Variants in PCNX2 observed in about 807,000 individuals in gnomAD.
The protein encoded by PCNX2 is pecanex-like protein 2.
Under a neutral mutation model 223.8 loss-of-function variants are expected in PCNX2, and 168 were observed. The observed-to-expected ratio is 0.75, with a 90% CI of 0.66 to 0.85. PCNX2 has a LOEUF of 0.85. Ranked by LOEUF, PCNX2 falls within the 40% of genes least tolerant of loss-of-function variation. The pLI, the probability that PCNX2 is intolerant of heterozygous loss-of-function variation, is 0.00. For synonymous variants in PCNX2, 1,006 were observed against 1,052.6 expected (o/e 0.96, Z 0.86); for missense variants, 2,507 against 2,675.5 (o/e 0.94, Z 1.39).
intron 19 of PCNX2, among the ~76,000 whole-genome samples, chr1:233,141,064 T>C (rs1224229965): frequency 6.6e-6 from 1 of 152,076 alleles, no homozygotes; most frequent in Non-Finnish European, 1.5e-5. Context: ...TACCCTACAA[T>C]GACCTAGAGT....
chr1:233,300,922 A>G, the PCNX2 span, among the ~76,000 whole-genome samples: 1 of 152,146 alleles, frequency 6.6e-6, no homozygotes, highest in Non-Finnish European at 1.5e-5. Flanking sequence ...ATGGGCCCCC[A>G]TGAACAGCTG....
chr1:233,200,300 G>T, intron 13 of PCNX2, 36 bp from the exon 14 acceptor site: 1 of 1,456,518 alleles, frequency 6.9e-7, no homozygotes, highest in South Asian at 1.3e-5. Context: ...GATAAGCATG[G>T]GGAACTGTGT....
At chr1:233,289,391 G>T in intron 1 of PCNX2, 1 of 1,380,766 alleles carries the variant, frequency 7.2e-7, no homozygotes, top group Non-Finnish European at 1.0e-6. Flanking sequence ...TGCGGGACTC[G>T]AACTCGTCCG....
chr1:233,006,723 C>A (rs1313109071), intron 28 of PCNX2, among the ~76,000 whole-genome samples: 1 of 152,204 alleles, frequency 6.6e-6, no homozygotes, highest in East Asian at 1.9e-4. Flanking sequence ...AATTTCCAAA[C>A]AGGCCTGTAC....
intron 25 of PCNX2, among the ~76,000 whole-genome samples, chr1:233,040,006 G>A (rs114820446): frequency 1.5e-3 from 235 of 152,254 alleles, no homozygotes; most frequent in Non-Finnish European, 2.2e-3. Context: ...TACAAATGCC[G>A]TATCACGTAT....
intron 19 of PCNX2, among the ~76,000 whole-genome samples, chr1:233,149,139 C>T (rs1428487225): frequency 6.6e-6 from 1 of 152,200 alleles, no homozygotes; most frequent in Non-Finnish European, 1.5e-5. Context: ...AAAACCAATA[C>T]TTTAGCATGA....
At chr1:233,163,377 C>T (rs1207427939) in intron 17 of PCNX2, among the ~76,000 whole-genome samples, 1 of 151,786 alleles carries the variant, frequency 6.6e-6, no homozygotes, top group Non-Finnish European at 1.5e-5. Context: ...GTCCCAGCTA[C>T]TCGGGAGGCT....
At chr1:233,034,549 CTTAAGTA>C (rs1207382280) in intron 25 of PCNX2, among the ~76,000 whole-genome samples, 2 of 152,140 alleles carry the variant, frequency 1.3e-5, no homozygotes, top group East Asian at 1.9e-4. Flanking sequence ...TTTGACAATT[CTTAAGTA>C]TTGAGTGGCA....
chr1:232,989,420 G>T (rs903187502), intron 32 of PCNX2, among the ~76,000 whole-genome samples: 2 of 151,704 alleles, frequency 1.3e-5, no homozygotes, highest in Non-Finnish European at 2.9e-5. Flanking sequence ...CGCCACTGCC[G>T]TCCGGCCTGG....
chr1:233,086,930 G>C, intron 23 of PCNX2: 2 of 760,756 alleles, frequency 2.6e-6, no homozygotes, highest in Non-Finnish European at 3.2e-6. Context: ...TGTGTTTTAG[G>C]ACAGCTATCC....
At chr1:233,025,449 T>C (rs781002133) in intron 25 of PCNX2, 50 bp from the exon 26 acceptor site, 9 of 1,597,082 alleles carry the variant, frequency 5.6e-6, no homozygotes, top group Non-Finnish European at 1.7e-6. Flanking sequence ...CATGCTAGAA[T>C]GTTTGCTTCA....
intron 9 of PCNX2, among the ~76,000 whole-genome samples, chr1:233,233,880 T>C (rs1364916292): frequency 6.6e-6 from 1 of 152,042 alleles, no homozygotes; most frequent in Non-Finnish European, 1.5e-5. Context: ...TCCAGGCCCC[T>C]TTGGCCAGGT....
chr1:233,116,242 T>C (rs933811588), intron 21 of PCNX2, among the ~76,000 whole-genome samples: 2 of 152,162 alleles, frequency 1.3e-5, no homozygotes, highest in Non-Finnish European at 2.9e-5. Context: ...AATAACAATA[T>C]AGCAGAACTC....
intron 20 of PCNX2, among the ~76,000 whole-genome samples, chr1:233,136,770 CT>C (rs1258953020): frequency 6.6e-6 from 1 of 151,754 alleles, no homozygotes; most frequent in Non-Finnish European, 1.5e-5. Context: ...GTACAAAAAC[CT>C]AAAAACCCCT....
chr1:233,319,536 G>A, the PCNX2 span, among the ~76,000 whole-genome samples: 1 of 152,182 alleles, frequency 6.6e-6, no homozygotes, highest in Non-Finnish European at 1.5e-5. Context: ...TTAATGTGAG[G>A]GCTGAATTCC....
At chr1:233,210,813 A>T (rs1681771724) in intron 12 of PCNX2, among the ~76,000 whole-genome samples, 1 of 152,192 alleles carries the variant, frequency 6.6e-6, no homozygotes, top group South Asian at 2.1e-4. Flanking sequence ...CACTGTAGGG[A>T]GCACCAGTGG....
At chr1:233,200,392 T>TC (rs1162969190) in intron 13 of PCNX2, 128 bp from the exon 14 acceptor site, 9 of 625,426 alleles carry the variant, frequency 1.4e-5, no homozygotes, top group Non-Finnish European at 2.1e-5. Flanking sequence ...TCTTTTTTTT[T>TC]TTTTTTTTTT....
At chr1:233,040,029 C>G (rs1481322508) in intron 25 of PCNX2, among the ~76,000 whole-genome samples, 1 of 152,076 alleles carries the variant, frequency 6.6e-6, no homozygotes, top group East Asian at 1.9e-4. Flanking sequence ...CAAGGAAATA[C>G]TGAGAAATGA....
At chr1:233,266,659 T>C (rs964126035) in intron 1 of PCNX2, among the ~76,000 whole-genome samples, 1 of 152,208 alleles carries the variant, frequency 6.6e-6, no homozygotes, top group Admixed American at 6.5e-5. Context: ...ATTTTCCCCT[T>C]GATGTAAGGT....
Sources: allele counts gnomAD v4.1 joint callset (sites outside exome capture counted in the v4.1 genomes callset), GRCh38; gene constraint gnomAD v4.1.1; transcripts MANE v1.5; gene names NCBI Gene and HGNC (gene_info 2026-07-23, HGNC 2026-07-21).